RETREG1: variants seen among roughly 807,000 people sequenced by gnomAD.
The protein encoded by RETREG1 is reticulophagy regulator 1.
A neutral mutation model predicts 54.8 loss-of-function variants in RETREG1; 44 were observed. The ratio of observed to expected loss-of-function variants is 0.80; its 90% confidence interval spans 0.63 to 1.03. RETREG1 has a LOEUF of 1.03. Among genes scored for constraint, RETREG1 ranks in the 50% least tolerant of loss-of-function variants. RETREG1 has a pLI of 0.00. For missense variants in RETREG1, 554 were observed against 605.1 expected (o/e 0.92, Z 0.89); for synonymous variants, 217 against 238.5 (o/e 0.91, Z 0.83).
rs1013372432 is a variant in RETREG1 at position 16,585,965 on chromosome 5, G to C, written c.321-13863C>G. Among the ~76,000 whole-genome samples, 1 of 152,022 alleles carries C rather than the reference G, an allele frequency of 6.6e-6. No homozygotes were observed. The highest frequency in any genetic ancestry group is 1.5e-5 in the Non-Finnish European group (1 of 68,020). On this transcript the variant is annotated intron_variant, in intron 1 of 8. Transcript: ENST00000306320. The surrounding 1 kb of genome is among the most constrained non-coding windows in gnomAD (Gnocchi z 4.5). ...CCACCACACCCCACCTCCAACACTGGGGATCACATTGCAGCCTGAGATCTG... is the reference window on the plus strand; with the variant it reads ...CCACCACACCCCACCTCCAACACTGCGGATCACATTGCAGCCTGAGATCTG...
chr5:16,539,598 T>A (rs1325434866), intron 3 of RETREG1, among the ~76,000 whole-genome samples: 2 of 152,142 alleles, frequency 1.3e-5, no homozygotes, highest in Non-Finnish European at 2.9e-5. Context: ...GCACAAGCTG[T>A]CCCATGCTTG....
At chr5:16,569,290 T>TC (rs139534788) in intron 2 of RETREG1, among the ~76,000 whole-genome samples, 47,214 of 141,756 alleles carry the variant, frequency 0.33, 8,571 homozygotes, top group Non-Finnish European at 0.42. Flanking sequence ...TTTCTTTCTT[T>TC]TTTTTTTTTT....
chr5:16,474,669 CTTT>C lies in RETREG1; in HGVS notation c.*69_*71del, dbSNP rs200951949. The C allele has an allele frequency of 7.6e-4, 953 of 1,259,686 alleles. 1 individual carries two copies. The highest frequency in any genetic ancestry group is 3.0e-3 in the African/African-American group (179 of 60,144). 78.0% of individuals were successfully genotyped at this position (1,259,686 alleles called of 1,614,324 possible). On this transcript the variant is annotated 3_prime_UTR_variant, in exon 9 of 9. Coordinates refer to ENST00000306320, the MANE Select transcript of RETREG1 (RefSeq NM_001034850.3). ...CTTACAGTTCAATTTTTTTCTTTTC[CTTT>C]TTTTTTTTTTTTTCTTGTTTGAAAT...
intron 2 of RETREG1, among the ~76,000 whole-genome samples, chr5:16,569,095 C>T (rs865863576): frequency 3.3e-5 from 5 of 152,242 alleles, no homozygotes; most frequent in Middle Eastern, 3.4e-3. Flanking sequence ...CCTGCAGAGA[C>T]TGATTCATCG....
chr5:16,573,584 A>T (rs1742241520), intron 1 of RETREG1, among the ~76,000 whole-genome samples: 1 of 152,230 alleles, frequency 6.6e-6, no homozygotes, highest in South Asian at 2.1e-4. Context: ...AGACAAACAC[A>T]GGCCAAGCTC....
At chr5:16,486,618 T>C (rs1739030801) in intron 3 of RETREG1, among the ~76,000 whole-genome samples, 1 of 152,216 alleles carries the variant, frequency 6.6e-6, no homozygotes, top group South Asian at 2.1e-4. Context: ...GACTCTGGGT[T>C]TCCAATACAG....
At position 16,554,356 on chromosome 5, in the gene RETREG1, C is replaced by T. The variant is rs141594120; in HGVS notation, c.458+11407G>A. On this transcript the variant is annotated intron_variant, in intron 3 of 8. Transcript: ENST00000306320. The stretch of plus-strand genomic sequence containing the variant: ...GTGCCAGTCTCTCTCCTGTAACCAG[C>T]GCCTGCCTCTCCACAGCAGCTTGGG... Among the ~76,000 whole-genome samples the T allele has an allele frequency of 4.8e-3, 737 of 152,250 alleles. 9 individuals are homozygous for T. Among genetic ancestry groups the T allele is most frequent in the African/African-American group, 0.017 (696 of 41,548 alleles).
At position 16,510,807 on chromosome 5, in the gene RETREG1, A is replaced by G. The variant is rs539069367; in HGVS notation, c.459-27335T>C. 1.9e-4 allele frequency among the ~76,000 whole-genome samples: 21 copies of G among 111,578 alleles called. No homozygotes were observed. The East Asian group carries it at 5.3e-3, about 28-fold the overall frequency. 73.2% of individuals were successfully genotyped at this position (111,578 alleles called of 152,430 possible). ...CCTGTCTCGAAAAAACAACAAGAAC[A>G]ACAACAACAACAAAAAAAAAAAAAA... is the stretch of plus-strand genomic sequence containing the variant. On this transcript the variant is annotated intron_variant, in intron 3 of 8. Transcript: ENST00000306320.
At chr5:16,517,369 AG>A (rs1740394788) in intron 3 of RETREG1, among the ~76,000 whole-genome samples, 2 of 152,256 alleles carry the variant, frequency 1.3e-5, no homozygotes, top group African/African-American at 4.8e-5. Context: ...AATTTAAGGC[AG>A]GGATGTTCTT....
At chr5:16,582,853 G>T (rs1742528812) in intron 1 of RETREG1, among the ~76,000 whole-genome samples, 1 of 152,158 alleles carries the variant, frequency 6.6e-6, no homozygotes, top group South Asian at 2.1e-4. Context: ...GAAAATGACG[G>T]GCTGTCAAAA....
intron 3 of RETREG1, among the ~76,000 whole-genome samples, chr5:16,534,636 CA>C (rs1741003215): frequency 6.6e-6 from 1 of 152,224 alleles, no homozygotes; most frequent in South Asian, 2.1e-4. Context: ...TATCAACATT[CA>C]CACTTCAATC....
chr5:16,600,276 C>T (rs1743016915), intron 1 of RETREG1, among the ~76,000 whole-genome samples: 1 of 152,216 alleles, frequency 6.6e-6, no homozygotes, highest in South Asian at 2.1e-4. Context: ...GCTGGGATTA[C>T]AGGCGTTAGC....
chr5:16,586,559 G>C (rs1472096048), intron 1 of RETREG1, among the ~76,000 whole-genome samples: 3 of 152,170 alleles, frequency 2.0e-5, no homozygotes, highest in African/African-American at 7.2e-5. Flanking sequence ...TCCAAGGAGA[G>C]GTACAGGAAC....
At chr5:16,488,853 G>T (rs534810699) in intron 3 of RETREG1, among the ~76,000 whole-genome samples, 1 of 152,128 alleles carries the variant, frequency 6.6e-6, no homozygotes, top group Non-Finnish European at 1.5e-5. Flanking sequence ...GGGAGGCCGA[G>T]GTGGGCAGAT....
At chr5:16,582,344 C>T (rs764460953) in intron 1 of RETREG1, among the ~76,000 whole-genome samples, 1 of 152,100 alleles carries the variant, frequency 6.6e-6, no homozygotes, top group Non-Finnish European at 1.5e-5. Flanking sequence ...GGCCTATATT[C>T]GATAAATGTG....
chr5:16,527,075 C>CTCAG lies in RETREG1; in HGVS notation c.458+38687_458+38688insCTGA, dbSNP rs1165651048. ...GCCTGCATCACAGCTCAGCTTCTCC[C>CTCAG]TCATCCAGTGCTGCTTCCTTTACCT... On this transcript the variant is annotated intron_variant, in intron 3 of 8. Coordinates refer to ENST00000306320, the MANE Select transcript of RETREG1 (RefSeq NM_001034850.3). 1.5e-4 allele frequency among the ~76,000 whole-genome samples: 23 copies of CTCAG among 152,382 alleles called. 1 individual carries two copies. In the East Asian group the frequency reaches 4.4e-3, roughly 29 times the overall value.
chr5:16,606,780 T>C (rs960033038), intron 1 of RETREG1, among the ~76,000 whole-genome samples: 2 of 152,178 alleles, frequency 1.3e-5, no homozygotes, highest in African/African-American at 2.4e-5. Flanking sequence ...GCTCCTGCAA[T>C]GGTGTCCCAG....
intron 1 of RETREG1, among the ~76,000 whole-genome samples, chr5:16,579,011 G>A (rs1742413219): frequency 6.6e-6 from 1 of 152,160 alleles, no homozygotes; most frequent in African/African-American, 2.4e-5. Flanking sequence ...GTAGAAAAGA[G>A]ACCAATGCAT....
At chr5:16,500,108 T>TA (rs1453697944) in intron 3 of RETREG1, among the ~76,000 whole-genome samples, 1 of 152,214 alleles carries the variant, frequency 6.6e-6, no homozygotes, top group African/African-American at 2.4e-5. Flanking sequence ...TCTGTCTCCC[T>TA]AATAAGAGGG....
Sources: gnomAD v4.1 joint callset for allele counts (sites outside exome capture counted in the v4.1 genomes callset) on GRCh38, gnomAD v4.1.1 for gene constraint, Gnocchi (gnomAD v3.1) non-coding constraint, MANE v1.5 for transcripts, NCBI Gene and HGNC (gene_info 2026-07-23, HGNC 2026-07-21) for gene names.